The following LITAF variants were observed in gnomAD, a reference collection of about 807,000 sequenced individuals.
LITAF encodes lipopolysaccharide induced TNF factor.
In LITAF, 9 loss-of-function variants were observed where a neutral mutation model predicts 14.5. That is an observed-to-expected ratio of 0.62 (90% confidence interval 0.37 to 1.08). The LOEUF is 1.08. Among genes scored for constraint, LITAF ranks in the 50% least tolerant of loss-of-function variants. The probability of loss-of-function intolerance (pLI) is 0.01; values close to 1 mark genes in which losing one functional copy is unlikely to be tolerated. For missense variants in LITAF, 206 were observed against 213.4 expected (o/e 0.97, Z 0.22); for synonymous variants, 98 against 88.2 (o/e 1.11, Z -0.62).
At chr16:11,569,668 G>C (rs1230139805) in intron 1 of LITAF, among the ~76,000 whole-genome samples, 3 of 152,210 alleles carry the variant, frequency 2.0e-5, no homozygotes, top group Non-Finnish European at 4.4e-5. Context: ...GTTACTCAGA[G>C]TGAAGAGAAG....
At chr16:11,628,646 G>T (rs576310468) in intron 3 of LITAF, among the ~76,000 whole-genome samples, 1 of 152,096 alleles carries the variant, frequency 6.6e-6, no homozygotes, top group South Asian at 2.1e-4. Context: ...GGGATTACAG[G>T]TGTGTGCCAC....
At chr16:11,580,746 G>T (rs1433807619) in intron 1 of LITAF, among the ~76,000 whole-genome samples, 3 of 152,090 alleles carry the variant, frequency 2.0e-5, no homozygotes, top group Non-Finnish European at 4.4e-5. Context: ...CCTGCCTCCA[G>T]GAGCCCCAGG....
chr16:11,584,134 G>A (rs2064775934), intron 1 of LITAF: 1 of 152,132 alleles, frequency 6.6e-6, no homozygotes, highest in Admixed American at 6.6e-5. Context: ...AACAGACCCG[G>A]GAGACGTCAA....
chr16:11,628,264 G>T (rs1047061896), intron 3 of LITAF, among the ~76,000 whole-genome samples: 6 of 152,052 alleles, frequency 3.9e-5, no homozygotes, highest in Non-Finnish European at 7.4e-5. Context: ...CAGATAACTC[G>T]CTAAACTTGG....
Position 11,558,371 on chromosome 16 carries a change from A to T in LITAF, c.-5-1636T>A, listed in dbSNP as rs1017195885. On this transcript the variant is annotated intron_variant, in intron 1 of 3. Transcript: ENST00000622633. The surrounding 1 kb of genome is among the most constrained non-coding windows in gnomAD (Gnocchi z 4.1). The stretch of plus-strand genomic sequence containing the variant: ...GATAGCCTGAGCCCAGGATCTCAAG[A>T]CTAACCTGGGCAACATGGTGAGACC... Among the ~76,000 whole-genome samples the T allele has an allele frequency of 6.6e-6, 1 of 152,128 alleles. No homozygotes were observed. The highest frequency in any genetic ancestry group is 2.4e-5 in the African/African-American group (1 of 41,416).
upstream of LITAF, chr16:11,587,482 C>A (rs2064820983): frequency 2.2e-6 from 1 of 453,666 alleles, no homozygotes; most frequent in Non-Finnish European, 4.4e-6. Flanking sequence ...GCTCGGCTTC[C>A]TGTCTGCAAA....
In LITAF at chr16:11,632,334, G is replaced by A. The variant is rs960906427; in HGVS notation, c.85+1199C>T. On this transcript the variant is annotated intron_variant, in intron 3 of 3. Transcript: ENST00000574848. This position sits in a 1 kb window ranked among gnomAD's most constrained non-coding sequence, Gnocchi z 4.8. The stretch of plus-strand genomic sequence containing the variant: ...CACATGGACTGAGAAAGGTGAGGAC[G>A]ACTGGCTCAACCCTGGAGAGAAGGT... 7.2e-5 allele frequency among the ~76,000 whole-genome samples: 11 copies of A among 152,078 alleles called. No individual in the cohort carries two copies. Among genetic ancestry groups the A allele is most frequent in the Admixed American group, 2.6e-4 (4 of 15,272 alleles).
intron 1 of LITAF, among the ~76,000 whole-genome samples, chr16:11,578,744 C>G (rs1327132390): frequency 6.6e-6 from 1 of 152,240 alleles, no homozygotes; most frequent in Non-Finnish European, 1.5e-5. Context: ...AACCCACAAC[C>G]CCACTGTAAT....
At chr16:11,620,297 C>G (rs1329924832) in intron 3 of LITAF, among the ~76,000 whole-genome samples, 1 of 152,160 alleles carries the variant, frequency 6.6e-6, no homozygotes, top group Non-Finnish European at 1.5e-5. Flanking sequence ...CATCCCCTTG[C>G]TGATGAGTGA....
rs1555469756 is a variant in LITAF, at chr16:11,576,554, A to AAAAAAAAAAAAAAAAAAAGAC, written c.-6+10331_-6+10332insGTCTTTTTTTTTTTTTTTTTT. Among the ~76,000 whole-genome samples the AAAAAAAAAAAAAAAAAAAGAC allele has an allele frequency of 1.0e-4, 12 of 116,640 alleles. 2 individuals are homozygous for AAAAAAAAAAAAAAAAAAAGAC. The highest frequency in any genetic ancestry group is 1.7e-4 in the African/African-American group (5 of 29,898). 76.5% of individuals were successfully genotyped at this position (116,640 alleles called of 152,430 possible). On this transcript the variant is annotated intron_variant, in intron 1 of 3. Coordinates refer to ENST00000622633, the MANE Select transcript of LITAF (RefSeq NM_001136472.2). ...ATCTGCAAAAAAAAAAAAAAAAAAA[A>AAAAAAAAAAAAAAAAAAAGAC]AGAGAGAGAGAAAGAGAAAAAGAGA...
intron 3 of LITAF, among the ~76,000 whole-genome samples, chr16:11,627,038 C>T (rs1597376179): frequency 6.6e-6 from 1 of 152,026 alleles, no homozygotes; most frequent in Non-Finnish European, 1.5e-5. Flanking sequence ...GATCCCATCC[C>T]CCTAGGAACC....
In LITAF at chr16:11,553,453, G is replaced by A; in HGVS notation, c.377+80C>T. On this transcript the variant is annotated intron_variant, in intron 3 of 3. Coordinates refer to ENST00000622633, the MANE Select transcript of LITAF (RefSeq NM_001136472.2). This position sits in a 1 kb window ranked among gnomAD's most constrained non-coding sequence, Gnocchi z 7.7. ...ATGTCTGGCCCTGAATGTCAAGCAT[G>A]GTGCAGTTGAGAACCCACCCCCGCC... 1 of 1,423,400 alleles carries A rather than the reference G, an allele frequency of 7.0e-7. No homozygotes were observed. The highest frequency in any genetic ancestry group is 9.8e-7 in the Non-Finnish European group (1 of 1,018,688). The allele number at this position is 1,423,400 out of a possible 1,614,324, so 88.2% of individuals were successfully genotyped here.
upstream of LITAF, among the ~76,000 whole-genome samples, chr16:11,638,034 A>ATC: frequency 9.8e-6 from 1 of 102,070 alleles, no homozygotes; most frequent in African/African-American, 5.8e-5. Flanking sequence ...CTATATATCT[A>ATC]TATATATCTA....
intron 3 of LITAF, among the ~76,000 whole-genome samples, chr16:11,607,195 G>A (rs781643195): frequency 7.9e-5 from 12 of 152,172 alleles, no homozygotes; most frequent in Non-Finnish European, 1.8e-4. Context: ...CTCAGGGCAG[G>A]TGCCCCATGT....
chr16:11,616,088 C>G (rs1314415550), intron 3 of LITAF, among the ~76,000 whole-genome samples: 3 of 152,172 alleles, frequency 2.0e-5, no homozygotes, highest in Non-Finnish European at 2.9e-5. Context: ...GTGGGGCACC[C>G]CAACTCCACG....
intron 3 of LITAF, chr16:11,551,835 C>CA: frequency 1.9e-6 from 1 of 540,524 alleles, no homozygotes; most frequent in Non-Finnish European, 3.3e-6. Context: ...CAGCCTCAAA[C>CA]AAAACAAAAC....
In LITAF at chr16:11,548,361, G is replaced by A. The variant is rs1367829294; in HGVS notation, c.*1276C>T. On this transcript the variant is annotated 3_prime_UTR_variant, in exon 4 of 4. Transcript: ENST00000622633. ...CTTCTCATGTTTTACAACAAGCTGT[G>A]TCTCTGAAAACTAAAATCAGACTTT... is the stretch of plus-strand genomic sequence containing the variant. 4.4e-6 allele frequency: 2 copies of A among 453,906 alleles called. No homozygotes were observed. The highest frequency in any genetic ancestry group is 8.8e-6 in the Non-Finnish European group (2 of 226,786). The allele number at this position is 453,906 out of a possible 1,614,324, so 28.1% of individuals were successfully genotyped here.
chr16:11,596,765 G>A (rs1392260718), intron 1 of LITAF, among the ~76,000 whole-genome samples: 2 of 116,310 alleles, frequency 1.7e-5, no homozygotes, highest in Non-Finnish European at 3.6e-5. Context: ...AGAAGGGAGA[G>A]GAGGAGGGGG....
chr16:11,612,592 A>G lies in LITAF; in HGVS notation c.85+20941T>C, dbSNP rs528719088. Among the ~76,000 whole-genome samples the G allele has an allele frequency of 2.4e-4, 37 of 152,340 alleles. No homozygotes were observed. The South Asian group carries it at 7.7e-3, about 32-fold the overall frequency. On this transcript the variant is annotated intron_variant, in intron 3 of 3. Transcript: ENST00000574848. Reference sequence around the variant, plus strand: ...CCCAGCTCAGGACGCTCACGTGCACAGAGAACCTGGATGGAAAGTTAACAA... The same window carrying G: ...CCCAGCTCAGGACGCTCACGTGCACGGAGAACCTGGATGGAAAGTTAACAA...
Sources: allele counts gnomAD v4.1 joint callset (sites outside exome capture counted in the v4.1 genomes callset), GRCh38; gene constraint gnomAD v4.1.1; non-coding constraint Gnocchi (gnomAD v3.1); transcripts MANE v1.5; gene names NCBI Gene and HGNC (gene_info 2026-07-23, HGNC 2026-07-21).